Variants in DLG2 observed in about 807,000 individuals in gnomAD.
DLG2 encodes disks large homolog 2.
Under a neutral mutation model 132.5 loss-of-function variants are expected in DLG2, and 45 were observed. The observed-to-expected ratio is 0.34, with a 90% CI of 0.27 to 0.44. The LOEUF (loss-of-function observed/expected upper bound fraction) is 0.44. DLG2 is among the 20% of genes least tolerant of loss of function. The probability of loss-of-function intolerance (pLI) is 1.00; values close to 1 mark genes in which losing one functional copy is unlikely to be tolerated. For missense variants in DLG2, 1,045 were observed against 1,196.9 expected (o/e 0.87, Z 1.87); for synonymous variants, 424 against 419.6 (o/e 1.01, Z -0.13).
intron 9 of DLG2, among the ~76,000 whole-genome samples, chr11:84,148,980 A>G (rs2095194266): frequency 1.3e-5 from 2 of 152,070 alleles, no homozygotes; most frequent in Non-Finnish European, 2.9e-5. Flanking sequence ...TGATGATGAG[A>G]AATCTTTCAT....
intron 6 of DLG2, among the ~76,000 whole-genome samples, chr11:85,063,582 G>A (rs1275770188): frequency 2.0e-5 from 3 of 151,764 alleles, no homozygotes; most frequent in Non-Finnish European, 4.4e-5. Context: ...ATTGGCTTAG[G>A]AGATTTCTTT....
At chr11:84,291,766 T>C (rs2098002640) in intron 7 of DLG2, among the ~76,000 whole-genome samples, 1 of 152,212 alleles carries the variant, frequency 6.6e-6, no homozygotes, top group Non-Finnish European at 1.5e-5. Context: ...TATTTCTTCA[T>C]CTGTAAAATG....
At chr11:85,192,939 C>A (rs573225302) in intron 4 of DLG2, among the ~76,000 whole-genome samples, 1 of 152,312 alleles carries the variant, frequency 6.6e-6, no homozygotes, top group South Asian at 2.1e-4. Context: ...TGAAATATAA[C>A]TTTCTGTTCA....
At chr11:84,575,419 A>G (rs1454841314) in intron 6 of DLG2, among the ~76,000 whole-genome samples, 3 of 151,970 alleles carry the variant, frequency 2.0e-5, no homozygotes, top group Non-Finnish European at 2.9e-5. Flanking sequence ...TAGTTCCAAC[A>G]TGGATCCTTC....
intron 2 of DLG2, among the ~76,000 whole-genome samples, chr11:85,622,230 C>T (rs929184687): frequency 6.6e-6 from 1 of 152,118 alleles, no homozygotes; most frequent in African/African-American, 2.4e-5. Context: ...ATAGTATATA[C>T]TGTACTGTAT....
At chr11:83,620,307 G>T (rs144281318) in intron 19 of DLG2, among the ~76,000 whole-genome samples, 1 of 151,972 alleles carries the variant, frequency 6.6e-6, no homozygotes. Context: ...TGTATAAAAC[G>T]TGTAACTTTT....
chr11:84,810,734 A>C (rs1036724847), intron 6 of DLG2, among the ~76,000 whole-genome samples: 6 of 152,220 alleles, frequency 3.9e-5, no homozygotes, highest in Admixed American at 3.9e-4. Flanking sequence ...GCAGTGTGTC[A>C]GTACCATGGA....
chr11:84,236,460 C>A (rs2097159535), intron 8 of DLG2, among the ~76,000 whole-genome samples: 1 of 152,188 alleles, frequency 6.6e-6, no homozygotes, highest in Admixed American at 6.6e-5. Context: ...GTTTGGCTTG[C>A]AAATTTCTTC....
At chr11:85,234,566 G>A (rs1475533383) in intron 4 of DLG2, among the ~76,000 whole-genome samples, 1 of 152,026 alleles carries the variant, frequency 6.6e-6, no homozygotes, top group East Asian at 1.9e-4. Flanking sequence ...CAATTAAATG[G>A]GGCACCCATG....
intron 18 of DLG2, among the ~76,000 whole-genome samples, chr11:83,712,137 G>A (rs1458388947): frequency 4.0e-5 from 6 of 150,792 alleles, no homozygotes; most frequent in Non-Finnish European, 6.0e-5. Context: ...AATACCATTT[G>A]GCCCAGCAAT....
chr11:85,582,202 G>A (rs1414629325), intron 3 of DLG2, among the ~76,000 whole-genome samples: 2 of 152,120 alleles, frequency 1.3e-5, no homozygotes, highest in Non-Finnish European at 2.9e-5. Context: ...AAGACTTACG[G>A]TAGCTAACAG....
At chr11:85,497,623 T>C (rs376520373) in intron 3 of DLG2, among the ~76,000 whole-genome samples, 1 of 151,968 alleles carries the variant, frequency 6.6e-6, no homozygotes, top group Non-Finnish European at 1.5e-5. Context: ...AGACACAAAA[T>C]TGTCAATTTC....
chr11:84,724,297 T>A (rs2062157716), intron 6 of DLG2, among the ~76,000 whole-genome samples: 2 of 152,322 alleles, frequency 1.3e-5, no homozygotes, highest in African/African-American at 4.8e-5. Context: ...GAATGTAAAG[T>A]AAATTTGAGA....
At chr11:84,792,920 G>C (rs1053928830) in intron 6 of DLG2, among the ~76,000 whole-genome samples, 5 of 151,808 alleles carry the variant, frequency 3.3e-5, no homozygotes, top group African/African-American at 1.2e-4. Context: ...TCATTTATTT[G>C]TGCTTGTATC....
chr11:85,337,471 T>G (rs952693796), intron 3 of DLG2, among the ~76,000 whole-genome samples: 15 of 152,224 alleles, frequency 9.9e-5, no homozygotes, highest in African/African-American at 2.7e-4. Flanking sequence ...GGTATTTATG[T>G]TAAAATGAAA....
At chr11:84,055,423 C>T (rs1383882953) in intron 11 of DLG2, among the ~76,000 whole-genome samples, 3 of 152,048 alleles carry the variant, frequency 2.0e-5, no homozygotes, top group Admixed American at 2.0e-4. Flanking sequence ...TAAAATATCA[C>T]AATAATTTCC....
At chr11:84,613,785 T>C (rs1159502948) in intron 6 of DLG2, among the ~76,000 whole-genome samples, 2 of 152,172 alleles carry the variant, frequency 1.3e-5, no homozygotes, top group African/African-American at 4.8e-5. Flanking sequence ...TCTCAAGTCA[T>C]TAAACCTTAC....
At chr11:85,545,501 A>G (rs1349877234) in intron 3 of DLG2, among the ~76,000 whole-genome samples, 1 of 152,174 alleles carries the variant, frequency 6.6e-6, no homozygotes, top group African/African-American at 2.4e-5. Context: ...TGCTGGCCTC[A>G]TGAAGTGAGT....
intron 6 of DLG2, among the ~76,000 whole-genome samples, chr11:84,585,190 C>T (rs779144987): frequency 2.0e-5 from 3 of 151,772 alleles, no homozygotes; most frequent in African/African-American, 4.8e-5. Flanking sequence ...TTTAATTTTT[C>T]GTATTATATA....
Sources: gnomAD v4.1 joint callset for allele counts (sites outside exome capture counted in the v4.1 genomes callset) on GRCh38, gnomAD v4.1.1 for gene constraint, MANE v1.5 for transcripts, NCBI Gene and HGNC (gene_info 2026-07-23, HGNC 2026-07-21) for gene names.